Variants in ZNF667 observed in about 807,000 individuals in gnomAD.
ZNF667 encodes myocardial ischemic preconditioning upregulated 1 ortholog.
Under a neutral mutation model 31.8 loss-of-function variants are expected in ZNF667, and 13 were observed. The observed-to-expected ratio is 0.41, with a 90% CI of 0.27 to 0.65. ZNF667 has a LOEUF of 0.65. ZNF667 is among the 30% of genes least tolerant of loss of function. ZNF667 has a pLI of 0.32. For missense variants in ZNF667, 642 were observed against 725.6 expected (o/e 0.88, Z 1.32); for synonymous variants, 228 against 247.1 (o/e 0.92, Z 0.73).
At chr19:56,471,408 G>A (rs2043289771) in intron 3 of ZNF667, among the ~76,000 whole-genome samples, 1 of 152,164 alleles carries the variant, frequency 6.6e-6, no homozygotes, top group Non-Finnish European at 1.5e-5. Context: ...GATGTCACCT[G>A]GCATGGGGCT....
intron 6 of ZNF667, chr19:56,449,151 CT>C: frequency 3.6e-6 from 1 of 280,600 alleles, no homozygotes. Flanking sequence ...AAGACACATC[CT>C]AGCCCCTTTG....
chr19:56,460,611 C>A, intron 5 of ZNF667, 78 bp downstream of exon 5: 1 of 1,476,368 alleles, frequency 6.8e-7, no homozygotes, highest in Non-Finnish European at 9.0e-7. Context: ...CAGTGGCTTC[C>A]ATTTTCCTGA....
At chr19:56,451,868 CAAAAAAAAAAAAA>C (rs71184363) in intron 6 of ZNF667, among the ~76,000 whole-genome samples, 91 of 80,912 alleles carry the variant, frequency 1.1e-3, no homozygotes, top group Admixed American at 2.1e-3. Context: ...GACCCTGTCT[CAAAAAAAAAAAAA>C]AAAAAAAAAA....
intron 5 of ZNF667, among the ~76,000 whole-genome samples, chr19:56,458,910 T>C (rs1273715948): frequency 6.6e-6 from 1 of 152,088 alleles, no homozygotes; most frequent in East Asian, 1.9e-4. Flanking sequence ...TGACTGAACT[T>C]GAGGAGAGGG....
intron 6 of ZNF667, among the ~76,000 whole-genome samples, chr19:56,451,312 C>T (rs999926970): frequency 6.6e-6 from 1 of 151,434 alleles, no homozygotes; most frequent in East Asian, 1.9e-4. Flanking sequence ...AATGGAGCAC[C>T]GAGATACATA....
At chr19:56,472,456 C>T (rs1183500614) in intron 2 of ZNF667, 2 of 152,126 alleles carry the variant, frequency 1.3e-5, no homozygotes, top group African/African-American at 4.8e-5. Context: ...TGAGGGTCCA[C>T]TTATATGCAG....
rs1482898539 is a variant in ZNF667 at position 56,439,425 on chromosome 19, A to G, written c.*1737T>C. On this transcript the variant is annotated 3_prime_UTR_variant, in exon 7 of 7. Coordinates refer to ENST00000504904, the MANE Select transcript of ZNF667 (RefSeq NM_001321356.2). The stretch of plus-strand genomic sequence containing the variant: ...TACACATGTTGAACTGCTGACAGGA[A>G]AAGAACCCAGTAGATAAATCTAGGC... 1.3e-5 allele frequency: 2 copies of G among 152,244 alleles called. No individual in the cohort carries two copies. The highest frequency in any genetic ancestry group is 2.9e-5 in the Non-Finnish European group (2 of 68,038). 9.4% of individuals were successfully genotyped at this position (152,244 alleles called of 1,614,324 possible).
At chr19:56,461,727 T>C (rs984231520) in intron 4 of ZNF667, among the ~76,000 whole-genome samples, 1 of 152,208 alleles carries the variant, frequency 6.6e-6, no homozygotes, top group African/African-American at 2.4e-5. Context: ...GGAAACTGCA[T>C]TTGAGATGCC....
At chr19:56,455,037 A>C (rs2147746078) in intron 6 of ZNF667, among the ~76,000 whole-genome samples, 1 of 152,336 alleles carries the variant, frequency 6.6e-6, no homozygotes, top group South Asian at 2.1e-4. Flanking sequence ...GACATTTCTC[A>C]AAGACATACG....
In ZNF667 at chr19:56,460,751, G is replaced by A. The variant is rs1216354961; in HGVS notation, c.98C>T (p.Pro33Leu). 6.2e-7 allele frequency: 1 copy of A among 1,612,708 alleles called. No individual in the cohort carries two copies. The highest frequency in any genetic ancestry group is 8.5e-7 in the Non-Finnish European group (1 of 1,179,482). The stretch of plus-strand genomic sequence containing the variant: ...ATCTTCATACAAATCCTTCTGAATG[G>A]GGCTCAGCCATTCCCACTCCTCCTG... Reference protein sequence around the residue: ...FSQEEWEWLSPIQKDLYEDVM... With the variant: ...FSQEEWEWLSLIQKDLYEDVM... Residue 33 changes from proline to leucine, a missense_variant, in exon 5 of 7, where the codon CCC becomes CTC. Transcript: ENST00000504904.
At chr19:56,452,823 G>A (rs923293091) in intron 6 of ZNF667, among the ~76,000 whole-genome samples, 3 of 152,002 alleles carry the variant, frequency 2.0e-5, no homozygotes, top group African/African-American at 7.3e-5. Context: ...AGGAGGCTGA[G>A]GCAGGAGAAT....
At chr19:56,472,603 T>A (rs2043316078) in intron 2 of ZNF667, 1 of 120,334 alleles carries the variant, frequency 8.3e-6, no homozygotes, top group Non-Finnish European at 1.8e-5. Flanking sequence ...TTGAAGGCCA[T>A]GACGATGAAA....
chr19:56,456,097 T>TA (rs887419893), intron 6 of ZNF667, among the ~76,000 whole-genome samples: 3 of 152,198 alleles, frequency 2.0e-5, no homozygotes, highest in Non-Finnish European at 4.4e-5. Context: ...ATGCTGAACT[T>TA]ACAGGCTTTA....
chr19:56,473,853 A>G (rs1223370729), intron 2 of ZNF667, among the ~76,000 whole-genome samples, 159 bp downstream of exon 2: 2 of 152,234 alleles, frequency 1.3e-5, no homozygotes, highest in South Asian at 2.1e-4. Flanking sequence ...GGAAAGATAA[A>G]CAAAAAGTTT....
chr19:56,473,174 G>C (rs1401299517), intron 2 of ZNF667: 2 of 152,192 alleles, frequency 1.3e-5, no homozygotes, highest in Non-Finnish European at 2.9e-5. Context: ...CATTTCCTTG[G>C]GTAAGGGGTG....
At chr19:56,465,381 C>T (rs1392678437) in intron 3 of ZNF667, among the ~76,000 whole-genome samples, 1 of 152,184 alleles carries the variant, frequency 6.6e-6, no homozygotes, top group Non-Finnish European at 1.5e-5. Context: ...CTAAGATGGC[C>T]TTATCCTATT....
intron 5 of ZNF667, among the ~76,000 whole-genome samples, chr19:56,460,161 C>T (rs1335244109): frequency 6.6e-6 from 1 of 152,122 alleles, no homozygotes; most frequent in Non-Finnish European, 1.5e-5. Context: ...GTGAAAACAA[C>T]CCAAATGCCC....
At chr19:56,456,718 A>G (rs2042938397) in intron 6 of ZNF667, among the ~76,000 whole-genome samples, 1 of 152,230 alleles carries the variant, frequency 6.6e-6, no homozygotes, top group Admixed American at 6.5e-5. Flanking sequence ...CATTTCTACT[A>G]AAACAAAATG....
rs527956781 is a variant in ZNF667, at chr19:56,460,496, C to T, written c.160+193G>A. On this transcript the variant is annotated intron_variant, in intron 5 of 6. Coordinates refer to ENST00000504904, the MANE Select transcript of ZNF667 (RefSeq NM_001321356.2). ...ATTGATTGTGGTGATGGATGCATAA[C>T]TCTGAATACACTATTATAAAAACCA... is the stretch of plus-strand genomic sequence containing the variant. Among the ~76,000 whole-genome samples the T allele has an allele frequency of 2.0e-5, 3 of 152,248 alleles. No individual in the cohort carries two copies. In the East Asian group the frequency reaches 5.8e-4, roughly 29 times the overall value.
Sources: gnomAD v4.1 joint callset for allele counts (sites outside exome capture counted in the v4.1 genomes callset) on GRCh38, gnomAD v4.1.1 for gene constraint, MANE v1.5 for transcripts, NCBI Gene and HGNC (gene_info 2026-07-23, HGNC 2026-07-21) for gene names.